Variants in CYP2C8 observed in about 807,000 individuals in gnomAD.
CYP2C8 encodes the protein cytochrome P450 family 2 subfamily C member 8.
CYP2C8 carries 51 observed loss-of-function variants against 41.3 expected under a neutral mutation model. The ratio of observed to expected loss-of-function variants is 1.24; its 90% CI spans 0.99 to 1.56. The LOEUF (loss-of-function observed/expected upper bound fraction) is 1.56. Ranked by LOEUF, CYP2C8 falls within the 40% of genes most tolerant of loss-of-function variation. The pLI is 0.00. For missense variants in CYP2C8, 651 were observed against 579.9 expected (o/e 1.12, Z -1.26); for synonymous variants, 218 against 205.8 (o/e 1.06, Z -0.51).
At chr10:95,038,436 T>C (rs2032929108) in intron 8 of CYP2C8, among the ~76,000 whole-genome samples, 1 of 152,202 alleles carries the variant, frequency 6.6e-6, no homozygotes, top group Non-Finnish European at 1.5e-5. Context: ...AATGACCTGT[T>C]TACTCTTCTT....
chr10:95,064,510 T>G (rs1415778604), intron 4 of CYP2C8, among the ~76,000 whole-genome samples: 2 of 152,142 alleles, frequency 1.3e-5, no homozygotes, highest in Non-Finnish European at 2.9e-5. Flanking sequence ...TGACCCAATT[T>G]TCCAGGTGCC....
intron 4 of CYP2C8, among the ~76,000 whole-genome samples, chr10:95,061,173 A>G (rs1389222414): frequency 6.6e-6 from 1 of 152,102 alleles, no homozygotes; most frequent in Non-Finnish European, 1.5e-5. Flanking sequence ...GTTAGGGAGG[A>G]TTCCCTCTTT....
At chr10:95,044,482 G>A (rs2033069199) in intron 6 of CYP2C8, among the ~76,000 whole-genome samples, 2 of 152,144 alleles carry the variant, frequency 1.3e-5, no homozygotes, top group Admixed American at 1.3e-4. Flanking sequence ...CTATTAAGTT[G>A]GCAAAATACG....
chr10:95,058,586 T>C (rs1376931662), intron 4 of CYP2C8, 75 bp from the exon 5 acceptor site: 8 of 1,312,822 alleles, frequency 6.1e-6, no homozygotes, highest in Non-Finnish European at 8.5e-6. Flanking sequence ...TGATTGAAAT[T>C]ATAACTATAA....
intron 5 of CYP2C8, among the ~76,000 whole-genome samples, chr10:95,046,289 A>G (rs928488509): frequency 6.6e-6 from 1 of 152,240 alleles, no homozygotes; most frequent in Non-Finnish European, 1.5e-5. Flanking sequence ...TTGGTAATTT[A>G]TAAAGAAAAG....
intron 5 of CYP2C8, among the ~76,000 whole-genome samples, chr10:95,050,797 G>A (rs973529044): frequency 6.6e-6 from 1 of 152,112 alleles, no homozygotes; most frequent in Non-Finnish European, 1.5e-5. Flanking sequence ...TTCACTGCTG[G>A]TGCAGTATTC....
At chr10:95,067,480 T>TC in intron 2 of CYP2C8, 49 bp downstream of exon 2, 1 of 1,612,328 alleles carries the variant, frequency 6.2e-7, no homozygotes, top group Non-Finnish European at 8.5e-7. Flanking sequence ...CTGTTTTCCA[T>TC]CCCCCTCACC....
intron 7 of CYP2C8, among the ~76,000 whole-genome samples, chr10:95,041,321 A>G (rs2032992249): frequency 1.3e-5 from 2 of 152,222 alleles, no homozygotes; most frequent in South Asian, 4.1e-4. Context: ...GCTGCAGATG[A>G]CACTGTTAAT....
At chr10:95,057,064 G>C (rs762223091) in intron 5 of CYP2C8, among the ~76,000 whole-genome samples, 2 of 152,176 alleles carry the variant, frequency 1.3e-5, no homozygotes, top group Non-Finnish European at 2.9e-5. Flanking sequence ...TTAAGGGACA[G>C]TTTGTGCAAG....
intron 5 of CYP2C8, among the ~76,000 whole-genome samples, chr10:95,047,128 T>G (rs2033124748): frequency 6.6e-6 from 1 of 152,208 alleles, no homozygotes; most frequent in Non-Finnish European, 1.5e-5. Context: ...CCTTCTGCTA[T>G]GAGCAAATAC....
chr10:95,043,113 G>A, intron 6 of CYP2C8, 36 bp from the exon 7 acceptor site: 2 of 1,595,396 alleles, frequency 1.3e-6, no homozygotes, highest in African/African-American at 1.3e-5. Flanking sequence ...TGGAAACGAA[G>A]ATATATGGAA....
intron 6 of CYP2C8, among the ~76,000 whole-genome samples, chr10:95,044,048 C>G (rs967263676): frequency 6.6e-6 from 1 of 152,126 alleles, no homozygotes; most frequent in Non-Finnish European, 1.5e-5. Flanking sequence ...CTTGAAGTCT[C>G]CTCTACATGT....
At chr10:95,066,377 G>C (rs1469454264) in intron 3 of CYP2C8, among the ~76,000 whole-genome samples, 1 of 151,948 alleles carries the variant, frequency 6.6e-6, no homozygotes, top group Non-Finnish European at 1.5e-5. Flanking sequence ...CAATACAGGG[G>C]AAAAAAGATG....
chr10:95,061,430 G>T (rs2033426545), intron 4 of CYP2C8, among the ~76,000 whole-genome samples: 1 of 152,218 alleles, frequency 6.6e-6, no homozygotes, highest in Non-Finnish European at 1.5e-5. Context: ...TACTTGTGTA[G>T]AGGTGTTTAT....
At chr10:95,047,800 C>T (rs1025285651) in intron 5 of CYP2C8, among the ~76,000 whole-genome samples, 2 of 152,224 alleles carry the variant, frequency 1.3e-5, no homozygotes, top group African/African-American at 4.8e-5. Context: ...TCAAGAACTC[C>T]ACCCCCCTCA....
intron 5 of CYP2C8, among the ~76,000 whole-genome samples, chr10:95,054,602 A>AC (rs1301765116): frequency 6.6e-5 from 10 of 152,244 alleles, no homozygotes; most frequent in African/African-American, 2.4e-4. Context: ...TTAGGTAAGA[A>AC]AGGAAGACGT....
intron 4 of CYP2C8, among the ~76,000 whole-genome samples, chr10:95,063,259 G>A (rs11188169): frequency 0.18 from 27,796 of 152,066 alleles, 3,244 homozygotes; most frequent in Admixed American, 0.25. Context: ...CATTCTCCCC[G>A]TCACTTTCAG....
intron 7 of CYP2C8, among the ~76,000 whole-genome samples, chr10:95,041,160 A>G (rs1414471801): frequency 6.6e-6 from 1 of 152,234 alleles, no homozygotes; most frequent in Non-Finnish European, 1.5e-5. Flanking sequence ...CACATTCATG[A>G]CACAAATTTA....
chr10:95,037,322 A>G lies in CYP2C8; in HGVS notation c.1292-13T>C, dbSNP rs1564732442. 2 of 1,611,946 alleles carry G rather than the reference A, an allele frequency of 1.2e-6. No homozygotes were observed. The highest frequency in any genetic ancestry group is 4.5e-5 in the East Asian group (2 of 44,858). ...CAAATTCGTTTTCCTGAAGATAACAAAGAAAGGAAGTAGTTACTCCTTGTG... is the reference window on the plus strand; with the variant it reads ...CAAATTCGTTTTCCTGAAGATAACAGAGAAAGGAAGTAGTTACTCCTTGTG... On this transcript the variant is annotated splice_polypyrimidine_tract_variant and intron_variant, in intron 8 of 8. Coordinates refer to ENST00000371270, the MANE Select transcript of CYP2C8 (RefSeq NM_000770.3).
Sources: gnomAD v4.1 joint callset for allele counts (sites outside exome capture counted in the v4.1 genomes callset) on GRCh38, gnomAD v4.1.1 for gene constraint, MANE v1.5 for transcripts, NCBI Gene and HGNC (gene_info 2026-07-23, HGNC 2026-07-21) for gene names.